The following OMA1 variants were observed in gnomAD, a reference collection of about 807,000 sequenced individuals.
The protein encoded by OMA1 is OMA1 zinc metallopeptidase.
OMA1 carries 38 observed loss-of-function variants against 30.9 expected under a neutral mutation model. The ratio of observed to expected loss-of-function variants is 1.23; its 90% CI spans 0.95 to 1.61. The LOEUF is 1.61. Ranked by LOEUF, OMA1 falls within the 40% of genes most tolerant of loss-of-function variation. The pLI is 0.00. For missense variants in OMA1, 461 were observed against 349.2 expected, an observed-to-expected ratio of 1.32 and a Z score of -2.55; for synonymous variants, 173 against 121.9, an observed-to-expected ratio of 1.42 and a Z score of -2.76.
chr1:58,521,308 G>A (rs79492219), intron 7 of OMA1, among the ~76,000 whole-genome samples: 2,507 of 148,428 alleles, frequency 0.017, 55 homozygotes, highest in East Asian at 0.13. Flanking sequence ...GAAAATGTAC[G>A]GCCTTAAATG....
At chr1:58,536,185 TA>T (rs1294206519) in intron 3 of OMA1, among the ~76,000 whole-genome samples, 1 of 152,148 alleles carries the variant, frequency 6.6e-6, no homozygotes, top group East Asian at 1.9e-4. Context: ...AGCTGGTTCA[TA>T]ATTCAGTCGG....
intron 1 of OMA1, among the ~76,000 whole-genome samples, chr1:58,544,393 A>G (rs1315182332): frequency 6.6e-6 from 1 of 152,246 alleles, no homozygotes; most frequent in Non-Finnish European, 1.5e-5. Context: ...TAGTAATGAG[A>G]AAATATGCTA....
At chr1:58,531,125 G>A (rs372954958) in intron 5 of OMA1, among the ~76,000 whole-genome samples, 13 of 152,080 alleles carry the variant, frequency 8.5e-5, no homozygotes, top group Non-Finnish European at 8.8e-5. Context: ...AATCAAACCC[G>A]GTCAGTTTTA....
At chr1:58,509,758 G>C (rs1557446622) in intron 7 of OMA1, among the ~76,000 whole-genome samples, 1 of 149,954 alleles carries the variant, frequency 6.7e-6, no homozygotes, top group African/African-American at 2.4e-5. Context: ...GTTAGAGTAA[G>C]AAAAAAAAAG....
chr1:58,490,290 C>T (rs914811212), intron 8 of OMA1, among the ~76,000 whole-genome samples: 26 of 151,798 alleles, frequency 1.7e-4, no homozygotes, highest in Admixed American at 1.7e-3. Context: ...AACTACGTGA[C>T]GAATGCACAA....
intron 8 of OMA1, among the ~76,000 whole-genome samples, chr1:58,483,888 C>A (rs1569863487): frequency 6.6e-6 from 1 of 152,158 alleles, no homozygotes; most frequent in Admixed American, 6.6e-5. Context: ...GTCATGGCTG[C>A]TATATCAGTG....
chr1:58,537,609 A>C (rs924724483), intron 2 of OMA1, among the ~76,000 whole-genome samples: 7 of 152,200 alleles, frequency 4.6e-5, no homozygotes, highest in African/African-American at 1.7e-4. Context: ...TGGGACAAAA[A>C]TTTTCCTTAT....
Position 58,480,956 on chromosome 1 carries a change from AATTTTAAT to A in OMA1, c.*1_*8del, listed in dbSNP as rs1645470072. 1 of 857,596 alleles carries A rather than the reference AATTTTAAT, an allele frequency of 1.2e-6. No homozygotes were observed. The highest frequency in any genetic ancestry group is 1.6e-5 in the African/African-American group (1 of 60,902). The allele number at this position is 857,596 out of a possible 1,614,324, so 53.1% of individuals were successfully genotyped here. ...TTCTTCATATATCTTGTGTCTCATA[AATTTTAAT>A]TCAACTGCCCGTTCTTTTCTCAACT... On this transcript the variant is annotated 3_prime_UTR_variant, in exon 9 of 9. Coordinates refer to ENST00000371226, the MANE Select transcript of OMA1 (RefSeq NM_145243.5).
chr1:58,537,412 T>C (rs1258149872), intron 2 of OMA1, among the ~76,000 whole-genome samples: 2 of 152,194 alleles, frequency 1.3e-5, no homozygotes, highest in African/African-American at 4.8e-5. Context: ...TAGTGCTCAG[T>C]AGCAGAAACT....
In OMA1 at chr1:58,480,821, G is replaced by A. The variant is rs1300224469; in HGVS notation, c.*144C>T. 1 of 532,258 alleles carries A rather than the reference G, an allele frequency of 1.9e-6. No individual in the cohort carries two copies. The highest frequency in any genetic ancestry group is 3.1e-6 in the Non-Finnish European group (1 of 317,826). 33.0% of individuals were successfully genotyped at this position (532,258 alleles called of 1,614,324 possible). On this transcript the variant is annotated 3_prime_UTR_variant, in exon 9 of 9. Transcript: ENST00000371226. ...ATTTCATGAAAAATAAATTCTAGAA[G>A]AATTTAGATAATATCTGTAATGTAC...
At chr1:58,529,971 C>T (rs1411327915) in intron 6 of OMA1, among the ~76,000 whole-genome samples, 1 of 152,060 alleles carries the variant, frequency 6.6e-6, no homozygotes, top group Admixed American at 6.5e-5. Context: ...AGCTCTGCCT[C>T]CTGGGTTCAC....
Position 58,534,167 on chromosome 1 carries a change from G to A in OMA1, c.894C>T (p.Phe298=), listed in dbSNP as rs778269933. 2.6e-5 allele frequency: 23 copies of A among 870,926 alleles called. No individual in the cohort carries two copies. The highest frequency in any genetic ancestry group is 4.9e-5 in the African/African-American group (3 of 61,248). 53.9% of individuals were successfully genotyped at this position (870,926 alleles called of 1,614,324 possible). A position where few individuals can be genotyped will look rare whatever the true frequency, so the allele number is the denominator to read the frequency against. ...GAGAACATTTACTTACTGGAAGCACGAAGGCATTAATAATTGGGGAATCAA... is the reference window on the plus strand; with the variant it reads ...GAGAACATTTACTTACTGGAAGCACAAAGGCATTAATAATTGGGGAATCAA... ...HVVDSPIINA[F]VLPNGQMFVF... is the part of the protein sequence containing the mutation. Residue 298 remains phenylalanine, a synonymous_variant, in exon 4 of 9, where the codon TTC becomes TTT. Coordinates refer to ENST00000371226, the MANE Select transcript of OMA1 (RefSeq NM_145243.5).
intron 3 of OMA1, among the ~76,000 whole-genome samples, chr1:58,535,560 C>G (rs1306643600): frequency 7.6e-6 from 1 of 131,928 alleles, no homozygotes; most frequent in East Asian, 2.2e-4. Context: ...GGCACCACTG[C>G]AGTACAGCCT....
intron 8 of OMA1, among the ~76,000 whole-genome samples, chr1:58,491,253 T>A (rs1182266929): frequency 6.6e-6 from 1 of 151,840 alleles, no homozygotes; most frequent in African/African-American, 2.4e-5. Flanking sequence ...CTACAAGAGC[T>A]CCTGAAGGAA....
At chr1:58,546,287 A>G (rs962966267) in intron 1 of OMA1, among the ~76,000 whole-genome samples, 2 of 152,214 alleles carry the variant, frequency 1.3e-5, no homozygotes, top group African/African-American at 2.4e-5. Context: ...CCCCTCTGGC[A>G]GAGGTGCCGG....
At chr1:58,519,157 T>A (rs1034302496) in intron 7 of OMA1, among the ~76,000 whole-genome samples, 7 of 152,334 alleles carry the variant, frequency 4.6e-5, no homozygotes, top group African/African-American at 1.7e-4. Context: ...AGAGAATTTT[T>A]AAAAGTCTCC....
chr1:58,532,448 C>G (rs1646448087), intron 5 of OMA1, among the ~76,000 whole-genome samples: 1 of 152,172 alleles, frequency 6.6e-6, no homozygotes, highest in Non-Finnish European at 1.5e-5. Context: ...GAAGCCATTA[C>G]TTGAAAGATA....
chr1:58,536,465 T>G (rs767923421), intron 3 of OMA1, 48 bp downstream of exon 3: 7 of 775,388 alleles, frequency 9.0e-6, no homozygotes, highest in Non-Finnish European at 1.6e-5. Context: ...TTTCCTACTT[T>G]GAGTGTTATA....
At chr1:58,532,599 C>T (rs961931181) in intron 5 of OMA1, among the ~76,000 whole-genome samples, 2 of 152,106 alleles carry the variant, frequency 1.3e-5, no homozygotes, top group Non-Finnish European at 2.9e-5. Flanking sequence ...GCGATCATGG[C>T]TCACTGTAGC....
Sources: gnomAD v4.1 joint callset for allele counts (sites outside exome capture counted in the v4.1 genomes callset) on GRCh38, gnomAD v4.1.1 for gene constraint, MANE v1.5 for transcripts, NCBI Gene and HGNC (gene_info 2026-07-23, HGNC 2026-07-21) for gene names.